The following HEATR4 variants were observed in gnomAD, a reference collection of about 807,000 sequenced individuals.
The protein encoded by HEATR4 is HEAT repeat containing 4, also known as HEAT repeat-containing protein 4.
In HEATR4, 95 loss-of-function variants were observed where a neutral mutation model predicts 108.8. That is an observed-to-expected ratio of 0.87 (90% CI 0.74 to 1.04). The LOEUF is 1.04. Ranked by LOEUF, HEATR4 falls within the 50% of genes least tolerant of loss-of-function variation. The pLI is 0.00. For synonymous variants in HEATR4, 443 were observed against 459.4 expected (o/e 0.96, Z 0.46); for missense variants, 1,152 against 1,253.8 (o/e 0.92, Z 1.23).
intron 17 of HEATR4, among the ~76,000 whole-genome samples, chr14:73,479,111 T>TGTATTTTTAGTAGAGACGAGGTTTCACCG (rs1272853244): frequency 6.6e-6 from 1 of 150,458 alleles, no homozygotes; most frequent in Non-Finnish European, 1.5e-5. Flanking sequence ...GCTAATTTTT[T>TGTATTTTTAGTAGAGACGAGGTTTCACCG]TGTTTGTTTG....
the HEATR4 span, among the ~76,000 whole-genome samples, chr14:73,578,081 C>T: frequency 1.3e-5 from 2 of 151,660 alleles, no homozygotes; most frequent in African/African-American, 4.8e-5. Context: ...GAACTCCTGA[C>T]CTCAGGTGAT....
chr14:73,575,132 C>T, the HEATR4 span: 4 of 1,283,768 alleles, frequency 3.1e-6, no homozygotes, highest in Non-Finnish European at 4.3e-6. Flanking sequence ...TTGTGGATGT[C>T]CTGAACAGCC....
rs1889371388 is a variant in HEATR4, at chr14:73,554,744, T to A, written c.-152+4007A>T. On this transcript the variant is annotated intron_variant, in intron 1 of 17. Coordinates refer to ENST00000553558, the MANE Select transcript of HEATR4 (RefSeq NM_001220484.1). Reference sequence around the variant, plus strand: ...TGAATAATTGATTTCTTGATAGGTGTTTGATATTTCTTCCCTCACTGCTGA... The same window carrying A: ...TGAATAATTGATTTCTTGATAGGTGATTGATATTTCTTCCCTCACTGCTGA... Among the ~76,000 whole-genome samples, 2 of 115,446 alleles carry A rather than the reference T, an allele frequency of 1.7e-5. 1 individual carries two copies. Among genetic ancestry groups the A allele is most frequent in the South Asian group, 5.4e-4 (2 of 3,698 alleles). 75.7% of individuals were successfully genotyped at this position (115,446 alleles called of 152,430 possible). A position where few individuals can be genotyped will look rare whatever the true frequency, so the allele number is the denominator to read the frequency against.
At chr14:73,533,203 C>T (rs2140307414) in intron 1 of HEATR4, among the ~76,000 whole-genome samples, 1 of 113,756 alleles carries the variant, frequency 8.8e-6, no homozygotes, top group African/African-American at 2.9e-5. Context: ...AGCAATTCTA[C>T]TTCTGGGTAC....
the HEATR4 span, among the ~76,000 whole-genome samples, chr14:73,599,913 C>A: frequency 6.6e-6 from 1 of 152,132 alleles, no homozygotes; most frequent in Non-Finnish European, 1.5e-5. Flanking sequence ...CCCTCTCCCC[C>A]AAAAATCTCA....
At chr14:73,592,778 G>A in the HEATR4 span, among the ~76,000 whole-genome samples, 1 of 152,146 alleles carries the variant, frequency 6.6e-6, no homozygotes, top group Non-Finnish European at 1.5e-5. Context: ...GCTTGAACCT[G>A]GGAGATGGAG....
chr14:73,626,755 G>C, the HEATR4 span, among the ~76,000 whole-genome samples: 4 of 148,462 alleles, frequency 2.7e-5, no homozygotes, highest in Non-Finnish European at 5.9e-5. Context: ...GATGAAGGTG[G>C]CTACACTAAA....
At chr14:73,615,089 A>AG in the HEATR4 span, among the ~76,000 whole-genome samples, 1 of 35,402 alleles carries the variant, frequency 2.8e-5, no homozygotes, top group Non-Finnish European at 5.0e-5. Context: ...ACTCCATCTC[A>AG]AAAAAAAAAA....
At chr14:73,586,325 C>CA in the HEATR4 span, among the ~76,000 whole-genome samples, 1 of 151,884 alleles carries the variant, frequency 6.6e-6, no homozygotes, top group South Asian at 2.1e-4. Context: ...ACCCCGGAGG[C>CA]AGAGTTTGCC....
At chr14:73,512,773 G>T (rs1284570326) in intron 6 of HEATR4, among the ~76,000 whole-genome samples, 1 of 152,160 alleles carries the variant, frequency 6.6e-6, no homozygotes, top group Non-Finnish European at 1.5e-5. Context: ...GCAGGTATCA[G>T]ACTTTTATTT....
chr14:73,583,758 G>A, the HEATR4 span, among the ~76,000 whole-genome samples: 4 of 152,004 alleles, frequency 2.6e-5, no homozygotes, highest in Non-Finnish European at 5.9e-5. Context: ...CCAGCACTTT[G>A]GGAGGCTGAG....
chr14:73,580,161 G>A, the HEATR4 span, among the ~76,000 whole-genome samples: 1 of 152,000 alleles, frequency 6.6e-6, no homozygotes, highest in Non-Finnish European at 1.5e-5. Context: ...TAAGAGACAG[G>A]CTCTGGCCAG....
the HEATR4 span, among the ~76,000 whole-genome samples, chr14:73,594,673 GTTATTTATTTATTTAT>G: frequency 4.1e-5 from 6 of 147,132 alleles, no homozygotes; most frequent in Non-Finnish European, 6.0e-5. Context: ...CATTGGATAA[GTTATTTATTTATTTAT>G]TTATTTATTT....
chr14:73,586,005 T>G, the HEATR4 span, among the ~76,000 whole-genome samples: 1 of 115,864 alleles, frequency 8.6e-6, no homozygotes, highest in Non-Finnish European at 1.7e-5. Flanking sequence ...TGAGACTCTG[T>G]CGCAAAAAAA....
rs556122444 is a variant in HEATR4, at chr14:73,554,576, C to T, written c.-152+4175G>A. Among the ~76,000 whole-genome samples, 331 of 114,658 alleles carry T rather than the reference C, an allele frequency of 2.9e-3. 109 individuals are homozygous for T. The highest frequency in any genetic ancestry group is 3.9e-3 in the Non-Finnish European group (205 of 52,192). The allele number at this position is 114,658 out of a possible 152,430, so 75.2% of individuals were successfully genotyped here. On this transcript the variant is annotated intron_variant, in intron 1 of 17. Coordinates refer to ENST00000553558, the MANE Select transcript of HEATR4 (RefSeq NM_001220484.1). ...TACCTGAGATTTTTACTCAGTAAAT[C>T]CTGATGGTTACTATGTGTAAAATAT... is the stretch of plus-strand genomic sequence containing the variant.
intron 15 of HEATR4, 25 bp from the exon 16 acceptor site, chr14:73,495,412 A>C (rs372881252): frequency 1.3e-4 from 210 of 1,598,106 alleles, no homozygotes; most frequent in African/African-American, 4.2e-4. Context: ...ATAATGTTTG[A>C]AAAACAAAAC....
At chr14:73,629,713 C>T in the HEATR4 span, among the ~76,000 whole-genome samples, 1 of 151,288 alleles carries the variant, frequency 6.6e-6, no homozygotes, top group South Asian at 2.1e-4. Flanking sequence ...GGTGCAATCT[C>T]AGCTCACTGC....
At chr14:73,575,411 C>T in the HEATR4 span, 1 of 1,325,882 alleles carries the variant, frequency 7.5e-7, no homozygotes, top group African/African-American at 1.9e-5. Flanking sequence ...GAGGGGAGCC[C>T]AGGGCTCATG....
rs1160383831 is a variant in HEATR4 at position 73,549,216 on chromosome 14, A to C, written c.-152+9535T>G. 7.1e-5 allele frequency among the ~76,000 whole-genome samples: 8 copies of C among 112,660 alleles called. 2 individuals are homozygous for C. Among genetic ancestry groups the C allele is most frequent in the Non-Finnish European group, 1.5e-4 (8 of 51,868 alleles). 73.9% of individuals were successfully genotyped at this position (112,660 alleles called of 152,430 possible). ...TATAAGGGCACCAATCCCATTAATG[A>C]GGGTTCCACCCTCATGACAGTCACT... On this transcript the variant is annotated intron_variant, in intron 1 of 17. Transcript: ENST00000553558.
Sources: gnomAD v4.1 joint callset for allele counts (sites outside exome capture counted in the v4.1 genomes callset) on GRCh38, gnomAD v4.1.1 for gene constraint, MANE v1.5 for transcripts, NCBI Gene and HGNC (gene_info 2026-07-23, HGNC 2026-07-21) for gene names.